Variants in PLEC observed in about 807,000 individuals in gnomAD.
PLEC encodes hemidesmosomal protein 1.
Under a neutral mutation model 392.8 loss-of-function variants are expected in PLEC, and 216 were observed. The ratio of observed to expected loss-of-function variants is 0.55; its 90% CI spans 0.49 to 0.62. The LOEUF (loss-of-function observed/expected upper bound fraction) is 0.62. PLEC is among the 20% of genes least tolerant of loss of function. The probability of loss-of-function intolerance (pLI) is 0.00; values close to 1 mark genes in which losing one functional copy is unlikely to be tolerated. For synonymous variants in PLEC, 3,621 were observed against 2,980.6 expected (o/e 1.21, Z -7.00); for missense variants, 6,863 against 6,563.4 (o/e 1.05, Z -1.58).
Position 143,919,122 on chromosome 8 carries a change from A to T in PLEC, c.10699T>A (p.Phe3567Ile). 6.2e-7 allele frequency: 1 copy of T among 1,613,060 alleles called. No homozygotes were observed. Among genetic ancestry groups the T allele is most frequent in the Non-Finnish European group, 8.5e-7 (1 of 1,180,024 alleles). ...GGAATGTCGATCTGTGTCTCTTCAA[A>T]TGCCCTTCTTGTCTCCTCCTCAGTG... ...VYTEEETRRA[F>I]EETQIDIPGG... Residue 3567 changes from phenylalanine (F) to isoleucine (I), a missense_variant, in exon 32 of 32, where the codon TTT becomes ATT. By Grantham distance (21) the Phe-to-Ile change is conservative. Transcript: ENST00000345136.
Position 143,932,010 on chromosome 8 carries a change from GTC to G in PLEC, c.2103_2104del (p.Gln701HisfsTer46). ...CAGCTGTAGCATCCAGCTCCACTGC[GTC>G]TGCAGGGCCGCCTGGAAGGACTGCG... is the stretch of plus-strand genomic sequence containing the variant. On this transcript the variant is annotated frameshift_variant, in exon 18 of 32. Coordinates refer to ENST00000345136, the MANE Select transcript of PLEC (RefSeq NM_201384.3). LOFTEE classifies it high-confidence loss of function. The G allele has an allele frequency of 6.2e-7, 1 of 1,604,604 alleles. No individual in the cohort carries two copies. Among genetic ancestry groups the G allele is most frequent in the Non-Finnish European group, 8.5e-7 (1 of 1,176,710 alleles).
At position 143,935,936 on chromosome 8, in the gene PLEC, C is replaced by G. The variant is rs782367014; in HGVS notation, c.514G>C (p.Val172Leu). 1 of 1,612,990 alleles carries G rather than the reference C, an allele frequency of 6.2e-7. No individual in the cohort carries two copies. Among genetic ancestry groups the G allele is most frequent in the South Asian group, 1.1e-5 (1 of 91,084 alleles). ...EKLLLWSQRMVEGYQGLRCDN... is the reference protein window; with the variant it reads ...EKLLLWSQRMLEGYQGLRCDN... ...CATCGCAGGCCCTGGTACCCCTCCA[C>G]CATTCGCTGCGACCACAGCAGCAGC... is the stretch of plus-strand genomic sequence containing the variant. Residue 172 changes from valine to leucine, a missense_variant, in exon 6 of 32, where the codon GTG becomes CTG. Physicochemically the swap from Val to Leu is conservative, Grantham distance 32 (BLOSUM62 1). Transcript: ENST00000345136.
upstream of PLEC, among the ~76,000 whole-genome samples, chr8:143,956,964 G>A (rs1415528088): frequency 1.3e-5 from 2 of 152,226 alleles, no homozygotes; most frequent in Admixed American, 1.3e-4. Flanking sequence ...GGGACGGGCC[G>A]CAGGCAGCCA....
intron 30 of PLEC, among the ~76,000 whole-genome samples, chr8:143,926,330 G>A (rs183531292): frequency 3.8e-4 from 58 of 152,342 alleles, no homozygotes; most frequent in African/African-American, 1.3e-3. Context: ...CGTGGAGACA[G>A]CAGTGCAGAC....
chr8:143,967,899 A>AG (rs1243289597), intron 1 of PLEC, among the ~76,000 whole-genome samples: 1 of 152,108 alleles, frequency 6.6e-6, no homozygotes, highest in African/African-American at 2.4e-5. Context: ...AGGCTGAGGC[A>AG]GGTGGCTTAC....
intron 30 of PLEC, 87 bp downstream of exon 30, chr8:143,926,697 G>T: frequency 1.8e-6 from 2 of 1,106,364 alleles, no homozygotes; most frequent in Non-Finnish European, 2.8e-6. Flanking sequence ...ACGAGAGGTG[G>T]CCTCAGGCAG....
chr8:143,953,632 C>A (rs530667003), upstream of PLEC: 2 of 1,355,638 alleles, frequency 1.5e-6, no homozygotes, highest in African/African-American at 1.4e-5. Context: ...CCAGGGATGG[C>A]AGACCCTGCC....
Position 143,924,507 on chromosome 8 carries a change from C to A in PLEC, c.5422G>T (p.Ala1808Ser). The A allele has an allele frequency of 6.5e-7, 1 of 1,542,652 alleles. No individual in the cohort carries two copies. Among genetic ancestry groups the A allele is most frequent in the Non-Finnish European group, 8.7e-7 (1 of 1,151,096 alleles). Residue 1808 changes from alanine (A) to serine (S), a missense_variant, in exon 31 of 32, where the codon GCC (alanine) becomes TCC (serine). By Grantham distance (99) the Ala-to-Ser change is moderately conservative. Transcript: ENST00000345136. ...TGCCGCTTGGCCTCTTCCGCCAGGG[C>A]ACGCAGGCGGGCGGCCTCCTCGGCC... ...ELAEEAARLR[A>S]LAEEAKRQRQ...
chr8:143,921,988 G>A lies in PLEC; in HGVS notation c.7833C>T (p.His2611=), dbSNP rs782175030. The A allele has an allele frequency of 1.1e-5, 18 of 1,598,492 alleles. No individual in the cohort carries two copies. The Admixed American group carries it at 1.5e-4, about 13-fold the overall frequency. ...CCTGCGAGGCAGTGACCTCCTCTGAGTGCGCCAGCGCGGCCCGGTGCTGCT... is the reference window on the plus strand; with the variant it reads ...CCTGCGAGGCAGTGACCTCCTCTGAATGCGCCAGCGCGGCCCGGTGCTGCT... ...LEEQHRAALA[H]SEEVTASQVA... Residue 2611 remains histidine, a synonymous_variant, in exon 32 of 32, where the codon CAC becomes CAT. Coordinates refer to ENST00000345136, the MANE Select transcript of PLEC (RefSeq NM_201384.3).
chr8:143,916,922 C>T lies in PLEC; in HGVS notation c.12899G>A (p.Arg4300Gln), dbSNP rs371875530. 25 of 1,612,876 alleles carry T rather than the reference C, an allele frequency of 1.6e-5. No homozygotes were observed. Among genetic ancestry groups the T allele is most frequent in the Admixed American group, 3.3e-5 (2 of 60,028 alleles). ...EKVSITEAMH[R>Q]NLVDNITGQR... is the part of the protein sequence containing the mutation. ...CCCCGTGATGTTATCCACCAGGTTC[C>T]GGTGCATGGCCTCGGTGATGGACAC... The change falls in exon 32 of 32, where the codon CGG (arginine) becomes CAG (glutamine). Residue 4300 changes from arginine (R) to glutamine (Q), a missense_variant. Arg to Gln is a conservative substitution (Grantham distance 43). Coordinates refer to ENST00000345136, the MANE Select transcript of PLEC (RefSeq NM_201384.3).
At chr8:143,965,975 T>C (rs535817913) in intron 1 of PLEC, among the ~76,000 whole-genome samples, 2 of 152,272 alleles carry the variant, frequency 1.3e-5, no homozygotes, top group African/African-American at 4.8e-5. Flanking sequence ...CGCTCTGTCC[T>C]GGAGAGGGTT....
upstream of PLEC, among the ~76,000 whole-genome samples, chr8:143,974,798 C>T (rs570275374): frequency 2.6e-5 from 4 of 152,360 alleles, no homozygotes; most frequent in South Asian, 2.1e-4. The surrounding 1 kb of genome is among the most constrained non-coding windows in gnomAD (Gnocchi z 5.9). Flanking sequence ...GAGGCTGGGG[C>T]TCCAGACAAC....
chr8:143,973,677 C>T (rs1299859086), upstream of PLEC: 52 of 372,546 alleles, frequency 1.4e-4, 1 homozygote, highest in East Asian at 6.1e-3. The surrounding 1 kb of genome is among the most constrained non-coding windows in gnomAD (Gnocchi z 5.6). Flanking sequence ...TCCCGGCGGG[C>T]CGGTTCCGCG....
At chr8:143,940,026 G>A (rs562601281), upstream of PLEC, among the ~76,000 whole-genome samples, 727 of 152,294 alleles carry the variant, frequency 4.8e-3, 5 homozygotes, top group African/African-American at 0.016. Context: ...TGCCAGGGCG[G>A]ACTCAAGAAG....
rs367627441 is a variant in PLEC, at chr8:143,929,533, C to T, written c.2962G>A (p.Glu988Lys). The change falls in exon 24 of 32, where the codon GAG (glutamate) becomes AAG (lysine). Residue 988 changes from glutamate (E) to lysine (K), a missense_variant. Glu to Lys is a moderately conservative substitution (Grantham distance 56). Coordinates refer to ENST00000345136, the MANE Select transcript of PLEC (RefSeq NM_201384.3). Reference sequence around the variant, plus strand: ...AGCTGCAGCCGGATGTCTTTGAGCTCGGAGATGCAGCGCTGGCAGCGAGAC... The same window carrying T: ...AGCTGCAGCCGGATGTCTTTGAGCTTGGAGATGCAGCGCTGGCAGCGAGAC... The part of the protein sequence containing the change: ...EESRCQRCIS[E>K]LKDIRLQLEA... The T allele has an allele frequency of 1.4e-5, 23 of 1,612,518 alleles. No individual in the cohort carries two copies. The highest frequency in any genetic ancestry group is 4.5e-5 in the East Asian group (2 of 44,880).
Position 143,918,942 on chromosome 8 carries a change from CAAT to C in PLEC, c.10876_10878del (p.Ile3626del). On this transcript the variant is annotated inframe_deletion, in exon 32 of 32. Transcript: ENST00000345136. The stretch of plus-strand genomic sequence containing the variant: ...TGCTGGCGGATGATCTCTGTCTTCT[CAAT>C]GATCTCGATGATGATGATGATCATG... The C allele has an allele frequency of 1.2e-6, 2 of 1,610,804 alleles. No individual in the cohort carries two copies. Among genetic ancestry groups the C allele is most frequent in the Non-Finnish European group, 1.7e-6 (2 of 1,180,006 alleles).
intron 19 of PLEC, 24 bp downstream of exon 19, chr8:143,931,510 G>A (rs200483717): frequency 1.6e-4 from 244 of 1,556,748 alleles, no homozygotes; most frequent in African/African-American, 1.1e-3. Context: ...CTCCTGACAC[G>A]CCCCTGCACA....
In PLEC at chr8:143,959,207, C is replaced by G. The variant is rs566827149; in HGVS notation, c.70+14196G>C. On this transcript the variant is annotated intron_variant, in intron 1 of 31. Coordinates refer to the PLEC transcript ENST00000356346. ...ACAGCATTTACCCAAGTCAGCACTG[C>G]TCCTCTTGGCACCTGAAACAACTCA... Among the ~76,000 whole-genome samples the G allele has an allele frequency of 9.7e-4, 148 of 152,322 alleles. 1 individual carries two copies. Among genetic ancestry groups the G allele is most frequent in the Middle Eastern group, 3.4e-3 (1 of 294 alleles).
Position 143,919,093 on chromosome 8 carries a change from G to C in PLEC, c.10728C>G (p.Gly3576=). ...TGGTGGAGCCGCCGTGGCTGCCGCC[G>C]CCGGGAATGTCGATCTGTGTCTCTT... ...AFEETQIDIP[G]GGSHGGSTMS... Residue 3576 remains glycine (G), a synonymous_variant, in exon 32 of 32, where the codon GGC becomes GGG. Transcript: ENST00000345136. The C allele has an allele frequency of 1.2e-6, 2 of 1,611,814 alleles. No homozygotes were observed. The highest frequency in any genetic ancestry group is 1.7e-6 in the Non-Finnish European group (2 of 1,179,994).
Sources: gnomAD v4.1 joint callset for allele counts (sites outside exome capture counted in the v4.1 genomes callset) on GRCh38, gnomAD v4.1.1 for gene constraint, Gnocchi (gnomAD v3.1) non-coding constraint, MANE v1.5 for transcripts, NCBI Gene and HGNC (gene_info 2026-07-23, HGNC 2026-07-21) for gene names.